IGFN1: variants seen among roughly 807,000 people sequenced by gnomAD.
The protein encoded by IGFN1 is immunoglobulin-like and fibronectin type III domain-containing protein 1.
A neutral mutation model predicts 289.5 loss-of-function variants in IGFN1; 253 were observed. The observed-to-expected ratio is 0.87, with a 90% CI of 0.79 to 0.97. The LOEUF is 0.97. IGFN1 is among the 50% of genes least tolerant of loss of function. IGFN1 has a pLI of 0.00. For synonymous variants in IGFN1, 1,706 were observed against 1,788.5 expected, an observed-to-expected ratio of 0.95 and a Z score of 1.16; for missense variants, 4,470 against 4,686.1, an observed-to-expected ratio of 0.95 and a Z score of 1.35.
chr1:201,218,793 T>TA, intron 18 of IGFN1, 135 bp downstream of exon 18: 1 of 905,630 alleles, frequency 1.1e-6, no homozygotes, highest in Non-Finnish European at 1.6e-6. Flanking sequence ...GGCTGGGATA[T>TA]AAAAATCAAA....
Position 201,215,020 on chromosome 1 carries a change from C to G in IGFN1, c.8861C>G (p.Thr2954Ser). The change falls in exon 14 of 24, where the codon ACC becomes AGC. Residue 2954 changes from threonine (T) to serine (S), a missense_variant. Around this residue, in one of 8 missense-constraint regions of IGFN1, gnomAD observed 2,218 missense variants for 2,114.1 expected, o/e 1.05. Transcript: ENST00000335211. ...CTGTGGCCCTGTCTCCAGCTCACCA[C>G]CCAGGATGGAGTCATCTTTAAGCAA... ...TWFKDGVKLT[T>S]QDGVIFKQDG... 6.2e-7 allele frequency: 1 copy of G among 1,613,818 alleles called. No individual in the cohort carries two copies. Among genetic ancestry groups the G allele is most frequent in the Non-Finnish European group, 8.5e-7 (1 of 1,179,864 alleles).
At chr1:201,197,134 T>C in intron 4 of IGFN1, 84 bp from the exon 5 acceptor site, 1 of 807,792 alleles carries the variant, frequency 1.2e-6, no homozygotes, top group Admixed American at 2.0e-5. Context: ...TTACTCACTT[T>C]ATACCCCCAA....
chr1:201,194,368 A>G, intron 3 of IGFN1, 95 bp downstream of exon 3: 1 of 1,392,636 alleles, frequency 7.2e-7, no homozygotes. Context: ...CTGGGGACCC[A>G]GGCCCTATAT....
intron 14 of IGFN1, 144 bp downstream of exon 14, chr1:201,215,298 A>G (rs1653150738): frequency 1.9e-6 from 2 of 1,028,868 alleles, no homozygotes; most frequent in African/African-American, 3.2e-5. Flanking sequence ...ATGATTTAAA[A>G]AGCCGACTCA....
In IGFN1 at chr1:201,213,559, C is replaced by T. The variant is rs1667947875; in HGVS notation, c.8666C>T (p.Ala2889Val). The change falls in exon 12 of 24, where the codon GCT becomes GTT. Residue 2889 changes from alanine to valine, a missense_variant. Ala to Val is a moderately conservative substitution (Grantham distance 64). Transcript: ENST00000335211. The stretch of plus-strand genomic sequence containing the variant: ...GACATCTATGGAGAGAGGAGAGATG[C>T]TACCCGGAGTTCCACATCCAGATAC... The part of the protein sequence containing the change: ...RLDIYGERRD[A>V]TRSSTSRYKP... 1 of 1,613,972 alleles carries T rather than the reference C, an allele frequency of 6.2e-7. No homozygotes were observed. Among genetic ancestry groups the T allele is most frequent in the Non-Finnish European group, 8.5e-7 (1 of 1,179,908 alleles).
intron 2 of IGFN1, among the ~76,000 whole-genome samples, chr1:201,193,653 T>C (rs1223515295): frequency 3.3e-5 from 5 of 152,312 alleles, no homozygotes; most frequent in African/African-American, 9.6e-5. Flanking sequence ...GGTTTCACCA[T>C]GTTGGTCAGG....
At position 201,193,380 on chromosome 1, in the gene IGFN1, T is replaced by A. The variant is rs769449819; in HGVS notation, c.7+80T>A. 20 of 1,015,010 alleles carry A rather than the reference T, an allele frequency of 2.0e-5. No individual in the cohort carries two copies. In the Middle Eastern group the frequency reaches 1.9e-3, roughly 95 times the overall value. The allele number at this position is 1,015,010 out of a possible 1,614,324, so 62.9% of individuals were successfully genotyped here. Reference sequence around the variant, plus strand: ...ACAGAGAGGAGAGAAGTGGTAGGGATCAGAGATTTCTGGGAACTTGCCCAT... The same window carrying A: ...ACAGAGAGGAGAGAAGTGGTAGGGAACAGAGATTTCTGGGAACTTGCCCAT... On this transcript the variant is annotated intron_variant, in intron 2 of 23. Transcript: ENST00000335211.
At chr1:201,204,972 T>C in intron 10 of IGFN1, 110 bp from the exon 11 acceptor site, 1 of 1,118,590 alleles carries the variant, frequency 8.9e-7, no homozygotes, top group South Asian at 1.7e-5. Flanking sequence ...CATGGGGAGT[T>C]TGTGGCTGAG....
intron 9 of IGFN1, among the ~76,000 whole-genome samples, chr1:201,202,541 G>A (rs1168926395): frequency 6.6e-6 from 1 of 151,844 alleles, no homozygotes; most frequent in Non-Finnish European, 1.5e-5. Context: ...GCTCATCCCC[G>A]ATATCGACAG....
At chr1:201,227,578 C>A (rs1654193363) in intron 23 of IGFN1, among the ~76,000 whole-genome samples, 1 of 151,928 alleles carries the variant, frequency 6.6e-6, no homozygotes, top group Non-Finnish European at 1.5e-5. Context: ...CAGGCATCCG[C>A]CACCACACCT....
chr1:201,205,276 G>A lies in IGFN1; in HGVS notation c.1111G>A (p.Gly371Arg). The stretch of plus-strand genomic sequence containing the variant: ...GCTGACCCACCGGCTGGTGGTGAGG[G>A]GGGCACGTTTCTCAGACATGGGCCC... ...DGLTHRLVVR[G>R]ARFSDMGPYS... is the part of the protein sequence containing the mutation. The change falls in exon 11 of 24, where the codon GGG (glycine) becomes AGG (arginine). Residue 371 changes from glycine (G) to arginine (R), a missense_variant. This residue lies in a region of IGFN1 where 2,011 missense variants were observed against 1,953.4 expected (regional missense o/e 1.03). Coordinates refer to ENST00000335211, the MANE Select transcript of IGFN1 (RefSeq NM_001164586.2). 1 of 1,550,932 alleles carries A rather than the reference G, an allele frequency of 6.4e-7. No homozygotes were observed. The highest frequency in any genetic ancestry group is 8.7e-7 in the Non-Finnish European group (1 of 1,146,954).
Position 201,217,275 on chromosome 1 carries a change from T to C in IGFN1, c.9596-12T>C. ...CAGGCCTCTGGCTGACTGGAATCTT[T>C]CTTACCCCCAGCTCTCCCCAAGGCC... On this transcript the variant is annotated splice_polypyrimidine_tract_variant and intron_variant, in intron 16 of 23. Coordinates refer to ENST00000335211, the MANE Select transcript of IGFN1 (RefSeq NM_001164586.2). 1 of 1,611,688 alleles carries C rather than the reference T, an allele frequency of 6.2e-7. No individual in the cohort carries two copies. Among genetic ancestry groups the C allele is most frequent in the South Asian group, 1.1e-5 (1 of 90,952 alleles).
In IGFN1 at chr1:201,205,083, C is replaced by T. The variant is rs1275064389; in HGVS notation, c.918C>T (p.Ala306=). ...TCCCCATTCCTATTTCCCCGGCAGC[C>T]ATCCCCCCAAGAGTGGTGGTCCCAC... is the stretch of plus-strand genomic sequence containing the variant. ...VVFSTELEAS[A]IPPRVVVPLA... Residue 306 remains alanine (A), a splice_region_variant and synonymous_variant, in exon 11 of 24, where the codon GCC becomes GCT. Transcript: ENST00000335211. The T allele has an allele frequency of 2.0e-6, 3 of 1,537,664 alleles. No homozygotes were observed. In the South Asian group the frequency reaches 3.6e-5, roughly 18 times the overall value.
At position 201,209,786 on chromosome 1, in the gene IGFN1, G is replaced by A. The variant is rs1240650476; in HGVS notation, c.4893G>A (p.Gly1631=). Residue 1631 remains glycine (G), a synonymous_variant, in exon 12 of 24, where the codon GGG becomes GGA. Coordinates refer to ENST00000335211, the MANE Select transcript of IGFN1 (RefSeq NM_001164586.2). The part of the protein sequence containing the change: ...RDGLGGSEEM[G]SVNKAGYRKD... ...GTTTAGGGGGTTCTGAAGAAATGGG[G>A]TCAGTGAATAAGGCAGGTTATAGGA... The A allele has an allele frequency of 2.4e-6, 3 of 1,246,424 alleles. No individual in the cohort carries two copies. Among genetic ancestry groups the A allele is most frequent in the Non-Finnish European group, 3.3e-6 (3 of 907,056 alleles). The allele number at this position is 1,246,424 out of a possible 1,614,324, so 77.2% of individuals were successfully genotyped here.
intron 23 of IGFN1, among the ~76,000 whole-genome samples, 185 bp from the exon 24 acceptor site, chr1:201,228,201 C>G (rs1488193329): frequency 6.6e-6 from 1 of 152,172 alleles, no homozygotes; most frequent in African/African-American, 2.4e-5. Context: ...TTATGGTTCC[C>G]CGAGGGGCCA....
chr1:201,215,717 G>C lies in IGFN1; in HGVS notation c.9174G>C (p.Leu3058=). 1 of 1,613,036 alleles carries C rather than the reference G, an allele frequency of 6.2e-7. No individual in the cohort carries two copies. The change falls in exon 15 of 24, where the codon CTG becomes CTC. Residue 3058 remains leucine (L), a synonymous_variant. Coordinates refer to ENST00000335211, the MANE Select transcript of IGFN1 (RefSeq NM_001164586.2). ...GTGACAGGGAGGCCCAGGTGGACCT[G>C]GGGGATGGCTACACGCGGCTGTGCC... ...GSSDREAQVD[L]GDGYTRLCLP... is the part of the protein sequence containing the mutation.
Position 201,212,318 on chromosome 1 carries a change from C to T in IGFN1, c.7425C>T (p.Ile2475=), listed in dbSNP as rs1371577459. Reference sequence around the variant, plus strand: ...TTGGGGGCTATGGAACTTCAGGGATCCCTGAGGCCTCGGAGGCTGCTGGTG... The same window carrying T: ...TTGGGGGCTATGGAACTTCAGGGATTCCTGAGGCCTCGGAGGCTGCTGGTG... ...KDLGGYGTSG[I]PEASEAAGAK... The change falls in exon 12 of 24, where the codon ATC becomes ATT. Residue 2475 remains isoleucine (I), a synonymous_variant. Coordinates refer to ENST00000335211, the MANE Select transcript of IGFN1 (RefSeq NM_001164586.2). 1 of 1,536,626 alleles carries T rather than the reference C, an allele frequency of 6.5e-7. No individual in the cohort carries two copies. Among genetic ancestry groups the T allele is most frequent in the Admixed American group, 2.0e-5 (1 of 50,968 alleles).
intron 22 of IGFN1, 39 bp from the exon 23 acceptor site, chr1:201,226,843 C>A (rs1654127177): frequency 1.3e-6 from 2 of 1,498,256 alleles, no homozygotes; most frequent in Non-Finnish European, 9.0e-7. Context: ...GCCTTCCTCG[C>A]TTTCTCACCC....
intron 14 of IGFN1, 152 bp downstream of exon 14, chr1:201,215,306 T>G: frequency 1.0e-6 from 1 of 984,492 alleles, no homozygotes; most frequent in South Asian, 1.7e-5. Context: ...AAAAGCCGAC[T>G]CATACCCTGC....
Sources: allele counts gnomAD v4.1 joint callset (sites outside exome capture counted in the v4.1 genomes callset), GRCh38; gene constraint gnomAD v4.1.1; regional missense constraint gnomAD v4.1.1; transcripts MANE v1.5; gene names NCBI Gene and HGNC (gene_info 2026-07-23, HGNC 2026-07-21).